Variants in TMC5 observed in about 807,000 individuals in gnomAD.
TMC5 encodes transmembrane channel-like protein 5.
Under a neutral mutation model 110.5 loss-of-function variants are expected in TMC5, and 86 were observed. The observed-to-expected ratio is 0.78, with a 90% CI of 0.65 to 0.93. The LOEUF is 0.93. TMC5 is among the 40% of genes least tolerant of loss of function. The probability of loss-of-function intolerance (pLI) is 0.00; values close to 1 mark genes in which losing one functional copy is unlikely to be tolerated. For missense variants in TMC5, 1,144 were observed against 1,222.8 expected (o/e 0.94, Z 0.96); for synonymous variants, 455 against 439.5 (o/e 1.04, Z -0.44).
chr16:19,451,338 A>G (rs1967745134), intron 5 of TMC5, among the ~76,000 whole-genome samples: 1 of 152,132 alleles, frequency 6.6e-6, no homozygotes, highest in Non-Finnish European at 1.5e-5. Context: ...CTCATCCTTC[A>G]AGAGATGTAT....
intron 15 of TMC5, among the ~76,000 whole-genome samples, chr16:19,483,286 C>T (rs6497381): frequency 0.27 from 41,488 of 152,030 alleles, 8,359 homozygotes; most frequent in African/African-American, 0.56. Flanking sequence ...CTTTTCCTTA[C>T]TTATTTTAAC....
At position 19,429,300 on chromosome 16, in the gene TMC5, T is replaced by A. The variant is rs145900736; in HGVS notation, c.-307-1113T>A. Among the ~76,000 whole-genome samples, 3 of 152,344 alleles carry A rather than the reference T, an allele frequency of 2.0e-5. No homozygotes were observed. The East Asian group carries it at 5.8e-4, about 29-fold the overall frequency. Reference sequence around the variant, plus strand: ...ATCTCAATACTAACAAATGTTTATTTACAGGAAGGCTTTGTTAATTGAGTG... The same window carrying A: ...ATCTCAATACTAACAAATGTTTATTAACAGGAAGGCTTTGTTAATTGAGTG... On this transcript the variant is annotated intron_variant, in intron 1 of 21. Coordinates refer to ENST00000542583, the MANE Select transcript of TMC5 (RefSeq NM_001261841.2).
rs2143467336 is a variant in TMC5, at chr16:19,440,717, A to G, written c.679A>G (p.Ser227Gly). ...PPFFGEPDYP[S>G]AEDNQNLPST... ...CTTTTTTGGGGAGCCAGACTATCCC[A>G]GTGCTGAGGACAATCAGAACTTGCC... is the stretch of plus-strand genomic sequence containing the variant. Residue 227 changes from serine (S) to glycine (G), a missense_variant, in exon 3 of 22, where the codon AGT (serine) becomes GGT (glycine). Physicochemically the swap from Ser to Gly is moderately conservative, Grantham distance 56 (BLOSUM62 0). Coordinates refer to ENST00000542583, the MANE Select transcript of TMC5 (RefSeq NM_001261841.2). The G allele has an allele frequency of 6.2e-7, 1 of 1,614,214 alleles. No homozygotes were observed. Among genetic ancestry groups the G allele is most frequent in the Non-Finnish European group, 8.5e-7 (1 of 1,180,042 alleles).
At chr16:19,488,269 C>G (rs1968801981) in intron 17 of TMC5, among the ~76,000 whole-genome samples, 1 of 152,222 alleles carries the variant, frequency 6.6e-6, no homozygotes, top group South Asian at 2.1e-4. Flanking sequence ...ACTCAAGTTC[C>G]CTGGCTAACC....
chr16:19,434,016 ATATATATAAATC>A (rs1437942805), intron 2 of TMC5, among the ~76,000 whole-genome samples: 2 of 32,680 alleles, frequency 6.1e-5, no homozygotes, highest in Non-Finnish European at 1.1e-4. Flanking sequence ...TATATATAAT[ATATATATAAATC>A]TATATATTAT....
At chr16:19,458,945 G>C (rs1224082928) in intron 5 of TMC5, among the ~76,000 whole-genome samples, 2 of 152,122 alleles carry the variant, frequency 1.3e-5, no homozygotes, top group African/African-American at 4.8e-5. Context: ...TGCCCCGCCT[G>C]CTGGCTTCTT....
chr16:19,494,355 A>G lies in TMC5; in HGVS notation c.2920A>G (p.Arg974Gly). ...ANPSSLVLER[R>G]EVEQQGFLHL... ...CCCCAGCTCACTTGTTCTGGAAAGG[A>G]GAGAGGTGGAGGTGAGTCTGGAGGC... The change falls in exon 20 of 22, where the codon AGA (arginine) becomes GGA (glycine). Residue 974 changes from arginine (R) to glycine (G), a missense_variant. Coordinates refer to ENST00000542583, the MANE Select transcript of TMC5 (RefSeq NM_001261841.2). The G allele has an allele frequency of 6.2e-7, 1 of 1,613,424 alleles. No individual in the cohort carries two copies. Among genetic ancestry groups the G allele is most frequent in the Non-Finnish European group, 8.5e-7 (1 of 1,179,636 alleles).
chr16:19,422,590 G>A (rs560100573), intron 1 of TMC5, among the ~76,000 whole-genome samples: 53 of 152,194 alleles, frequency 3.5e-4, no homozygotes, highest in African/African-American at 1.2e-3. Flanking sequence ...CAAGCACTTC[G>A]GGAGGCCAAG....
chr16:19,462,951 C>T (rs1261185745), intron 6 of TMC5, among the ~76,000 whole-genome samples: 1 of 151,896 alleles, frequency 6.6e-6, no homozygotes, highest in Non-Finnish European at 1.5e-5. Context: ...GTTCAGTTGC[C>T]CAGGCTGGAC....
chr16:19,490,209 A>T (rs3830052), intron 17 of TMC5, among the ~76,000 whole-genome samples, 186 bp from the exon 18 acceptor site: 1 of 151,954 alleles, frequency 6.6e-6, no homozygotes, highest in African/African-American at 2.4e-5. Context: ...ATCTGAGAGC[A>T]GGTCCTTAGA....
At chr16:19,479,639 C>A in intron 14 of TMC5, 111 bp downstream of exon 14, 1 of 764,058 alleles carries the variant, frequency 1.3e-6, no homozygotes, top group Non-Finnish European at 2.3e-6. Context: ...TGCGTTGTTC[C>A]AAGTCTGCCT....
rs1967463935 is a variant in TMC5 at position 19,440,620 on chromosome 16, A to G, written c.582A>G (p.Arg194=). ...SRKNLEHTSF[R]INPYADSLGK... ...AGAATCTGGAACATACAAGTTTTAG[A>G]ATCAATCCATACGCAGACTCTCTGG... The change falls in exon 3 of 22, where the codon AGA becomes AGG. Residue 194 remains arginine (R), a synonymous_variant. Transcript: ENST00000542583. 3.7e-6 allele frequency: 6 copies of G among 1,614,084 alleles called. No homozygotes were observed. The highest frequency in any genetic ancestry group is 5.1e-6 in the Non-Finnish European group (6 of 1,180,044).
intron 2 of TMC5, among the ~76,000 whole-genome samples, chr16:19,438,099 T>C (rs1316778333): frequency 6.6e-6 from 1 of 151,864 alleles, no homozygotes; most frequent in Non-Finnish European, 1.5e-5. Flanking sequence ...CACTTAGAAA[T>C]GAAAACTGGA....
At chr16:19,486,525 C>T (rs1015402567) in intron 15 of TMC5, among the ~76,000 whole-genome samples, 19 of 152,278 alleles carry the variant, frequency 1.2e-4, no homozygotes, top group African/African-American at 3.8e-4. Context: ...TACAAGCATA[C>T]GCCATCATGC....
At chr16:19,427,330 T>C (rs758750662) in intron 1 of TMC5, among the ~76,000 whole-genome samples, 2 of 152,154 alleles carry the variant, frequency 1.3e-5, no homozygotes, top group African/African-American at 4.8e-5. Context: ...CTCACACCTA[T>C]AATCCCAGCT....
intron 5 of TMC5, 101 bp downstream of exon 5, chr16:19,449,732 T>C: frequency 9.6e-7 from 1 of 1,043,084 alleles, no homozygotes; most frequent in African/African-American, 1.6e-5. Context: ...GATTGGATCA[T>C]GGGGGTGGTT....
intron 13 of TMC5, 53 bp downstream of exon 13, chr16:19,477,571 C>A: frequency 8.3e-7 from 1 of 1,208,434 alleles, no homozygotes; most frequent in Non-Finnish European, 1.2e-6. Context: ...ATTTGACCAA[C>A]AGGGAGGACA....
chr16:19,420,987 T>A (rs1966970420), intron 1 of TMC5, among the ~76,000 whole-genome samples: 1 of 151,804 alleles, frequency 6.6e-6, no homozygotes, highest in Non-Finnish European at 1.5e-5. Context: ...AGGAGGTGAG[T>A]GGAGATCTCC....
chr16:19,472,333 C>A, intron 11 of TMC5, 90 bp downstream of exon 11: 1 of 1,465,462 alleles, frequency 6.8e-7, no homozygotes, highest in South Asian at 1.2e-5. Context: ...ACGGTTCAAC[C>A]CAGGATCTAT....
Sources: gnomAD v4.1 joint callset for allele counts (sites outside exome capture counted in the v4.1 genomes callset) on GRCh38, gnomAD v4.1.1 for gene constraint, MANE v1.5 for transcripts, NCBI Gene and HGNC (gene_info 2026-07-23, HGNC 2026-07-21) for gene names.